NAALADL2: variants seen among roughly 807,000 people sequenced by gnomAD.
NAALADL2 encodes the protein N-acetylated alpha-linked acidic dipeptidase like 2.
Under a neutral mutation model 87.2 loss-of-function variants are expected in NAALADL2, and 76 were observed. The ratio of observed to expected loss-of-function variants is 0.87; its 90% CI spans 0.72 to 1.05. NAALADL2 has a LOEUF of 1.05. Among genes scored for constraint, NAALADL2 ranks in the 50% least tolerant of loss-of-function variants. The pLI, the probability that NAALADL2 is intolerant of heterozygous loss-of-function variation, is 0.00. For synonymous variants in NAALADL2, 354 were observed against 331.0 expected, an observed-to-expected ratio of 1.07 and a Z score of -0.75; for missense variants, 1,089 against 945.8, an observed-to-expected ratio of 1.15 and a Z score of -1.99.
At chr3:174,918,100 C>A (rs1881986) in intron 1 of NAALADL2, among the ~76,000 whole-genome samples, 34,109 of 151,818 alleles carry the variant, frequency 0.22, 4,040 homozygotes, top group East Asian at 0.34. Context: ...TTGATTCCAT[C>A]TTAGAAAAGT....
intron 11 of NAALADL2, among the ~76,000 whole-genome samples, chr3:175,727,100 C>A (rs1743039599): frequency 6.6e-6 from 1 of 152,090 alleles, no homozygotes; most frequent in East Asian, 1.9e-4. Context: ...ATCGATTTTT[C>A]ATCATGTCCA....
intron 2 of NAALADL2, among the ~76,000 whole-genome samples, chr3:175,213,109 C>A (rs567969798): frequency 1.3e-5 from 2 of 152,206 alleles, no homozygotes; most frequent in East Asian, 3.9e-4. Context: ...ATTGTAACAG[C>A]AACTCGGTGA....
intron 2 of NAALADL2, among the ~76,000 whole-genome samples, chr3:174,717,260 A>T (rs1038997398): frequency 6.6e-6 from 1 of 152,098 alleles, no homozygotes; most frequent in African/African-American, 2.4e-5. Context: ...AATTGTGTCA[A>T]GTCCCAGAGA....
At chr3:175,073,678 AATCCTTTGCAACATCCTTTGACCT>A (rs1488703831) in intron 1 of NAALADL2, among the ~76,000 whole-genome samples, 8 of 152,036 alleles carry the variant, frequency 5.3e-5, no homozygotes, top group Admixed American at 5.2e-4. Context: ...ATGTCAACTA[AATCCTTTGCAACATCCTTTGACCT>A]ACAGCTGAAT....
chr3:174,751,550 C>T (rs1734815182), intron 3 of NAALADL2, among the ~76,000 whole-genome samples: 1 of 151,346 alleles, frequency 6.6e-6, no homozygotes, highest in African/African-American at 2.4e-5. Context: ...GTAATCCCAG[C>T]GACTCGGGTG....
intron 1 of NAALADL2, among the ~76,000 whole-genome samples, chr3:175,020,278 G>A (rs960319097): frequency 3.7e-4 from 56 of 152,024 alleles, no homozygotes; most frequent in African/African-American, 1.2e-3. Context: ...AGTCAGCAAA[G>A]GGCACTGATG....
chr3:175,404,898 G>T (rs1294672700), intron 5 of NAALADL2, among the ~76,000 whole-genome samples: 3 of 152,106 alleles, frequency 2.0e-5, no homozygotes, highest in African/African-American at 7.2e-5. Flanking sequence ...ATCACTTGCA[G>T]TTGTATTTGA....
At chr3:175,759,916 A>G (rs1260031922) in intron 13 of NAALADL2, among the ~76,000 whole-genome samples, 4 of 152,178 alleles carry the variant, frequency 2.6e-5, no homozygotes, top group African/African-American at 4.8e-5. Context: ...TTCATTTTTC[A>G]TGGACACAAA....
At chr3:175,155,350 C>T (rs1001021263) in intron 2 of NAALADL2, among the ~76,000 whole-genome samples, 5 of 152,260 alleles carry the variant, frequency 3.3e-5, no homozygotes, top group Non-Finnish European at 5.9e-5. Context: ...CATTCTTCTT[C>T]ACCAGGTGTA....
At chr3:174,765,604 T>C (rs1301134184) in intron 3 of NAALADL2, among the ~76,000 whole-genome samples, 2 of 152,218 alleles carry the variant, frequency 1.3e-5, no homozygotes, top group Non-Finnish European at 2.9e-5. Flanking sequence ...TTGACAACAA[T>C]GTTGCTTATC....
chr3:174,758,562 T>C (rs930057389), intron 3 of NAALADL2, among the ~76,000 whole-genome samples: 1 of 152,184 alleles, frequency 6.6e-6, no homozygotes, highest in Admixed American at 6.5e-5. Context: ...TGAGTGCTTG[T>C]GAAAGGGAAG....
intron 3 of NAALADL2, among the ~76,000 whole-genome samples, chr3:174,791,353 T>G (rs976884619): frequency 2.0e-5 from 3 of 152,132 alleles, no homozygotes; most frequent in African/African-American, 7.2e-5. Context: ...AGAGCCTTCA[T>G]GAATGGGATT....
At chr3:175,344,914 G>T (rs771106984) in intron 5 of NAALADL2, among the ~76,000 whole-genome samples, 1 of 151,670 alleles carries the variant, frequency 6.6e-6, no homozygotes, top group Non-Finnish European at 1.5e-5. Context: ...TATTATTATC[G>T]CTGTTATTAA....
chr3:175,092,214 A>G (rs1280139675), intron 1 of NAALADL2, among the ~76,000 whole-genome samples: 2 of 151,936 alleles, frequency 1.3e-5, no homozygotes, highest in South Asian at 2.1e-4. Flanking sequence ...GTATTTAAGC[A>G]TAAGTATTAT....
chr3:175,269,268 G>A (rs1056882974), intron 4 of NAALADL2, among the ~76,000 whole-genome samples: 1 of 152,014 alleles, frequency 6.6e-6, no homozygotes, highest in Non-Finnish European at 1.5e-5. Context: ...AGTAGGAGAA[G>A]TACACTCTAA....
At chr3:174,896,993 C>T (rs1019093864) in intron 1 of NAALADL2, among the ~76,000 whole-genome samples, 5 of 152,098 alleles carry the variant, frequency 3.3e-5, no homozygotes, top group African/African-American at 1.2e-4. Context: ...GAAACTGTGT[C>T]TCACCATATA....
rs1560943303 is a variant in NAALADL2 at position 175,667,231 on chromosome 3, GAAA to G, written c.1896+39846_1896+39848del. Among the ~76,000 whole-genome samples the G allele has an allele frequency of 2.8e-3, 323 of 116,788 alleles. 7 individuals carry two copies. Among genetic ancestry groups the G allele is most frequent in the African/African-American group, 0.011 (262 of 23,498 alleles). 76.6% of individuals were successfully genotyped at this position (116,788 alleles called of 152,430 possible). Reference sequence around the variant, plus strand: ...AGAAAGAAAGAAAGAAAGAAAGAAAGAAAGAAAGAAAAAGAAAGAAAGAAAGAA... The same window carrying G: ...AGAAAGAAAGAAAGAAAGAAAGAAAGGAAAGAAAAAGAAAGAAAGAAAGAA... On this transcript the variant is annotated intron_variant, in intron 11 of 13. Transcript: ENST00000454872.
chr3:175,705,542 A>T (rs762569629), intron 11 of NAALADL2, among the ~76,000 whole-genome samples: 2 of 140,118 alleles, frequency 1.4e-5, no homozygotes, highest in Non-Finnish European at 3.1e-5. Flanking sequence ...GGAGAAAGAG[A>T]AGAAAGAAGA....
chr3:174,758,552 T>A (rs976811163), intron 3 of NAALADL2, among the ~76,000 whole-genome samples: 1 of 152,230 alleles, frequency 6.6e-6, no homozygotes, highest in Admixed American at 6.5e-5. Context: ...GAAGAGAGGA[T>A]GAGTGCTTGT....
Sources: gnomAD v4.1 joint callset for allele counts (sites outside exome capture counted in the v4.1 genomes callset) on GRCh38, gnomAD v4.1.1 for gene constraint, MANE v1.5 for transcripts, NCBI Gene and HGNC (gene_info 2026-07-23, HGNC 2026-07-21) for gene names.